The following DNAH2 variants were observed in gnomAD, a reference collection of about 807,000 sequenced individuals.
DNAH2 encodes the protein axonemal beta dynein heavy chain 2.
Under a neutral mutation model 523.5 loss-of-function variants are expected in DNAH2, and 323 were observed. The observed-to-expected ratio is 0.62, with a 90% CI of 0.56 to 0.68. DNAH2 has a LOEUF of 0.68. Ranked by LOEUF, DNAH2 falls within the 30% of genes least tolerant of loss-of-function variation. The pLI, the probability that DNAH2 is intolerant of heterozygous loss-of-function variation, is 0.00. For synonymous variants in DNAH2, 2,093 were observed against 2,177.4 expected (o/e 0.96, Z 1.08); for missense variants, 4,907 against 5,701.5 (o/e 0.86, Z 4.49).
At chr17:7,819,514 C>CTGCCCTTGGCATA (rs2151328319) in intron 72 of DNAH2, 106 bp downstream of exon 72, 1 of 1,207,756 alleles carries the variant, frequency 8.3e-7, no homozygotes, top group Non-Finnish European at 1.2e-6. Context: ...CAGCCTGCCG[C>CTGCCCTTGGCATA]TGTCCTTGGC....
intron 56 of DNAH2, among the ~76,000 whole-genome samples, chr17:7,799,822 TAC>T (rs143959847): frequency 8.0e-5 from 12 of 150,322 alleles, no homozygotes; most frequent in Admixed American, 4.6e-4. Context: ...TGTCTCAAAA[TAC>T]ACACACACAC....
intron 69 of DNAH2, 52 bp from the exon 70 acceptor site, chr17:7,818,591 G>A (rs2077753248): frequency 1.9e-6 from 3 of 1,608,102 alleles, no homozygotes; most frequent in African/African-American, 1.3e-5. Flanking sequence ...AGATGAGGAA[G>A]GTGAAGGTCG....
chr17:7,740,115 T>G (rs1252773807), intron 9 of DNAH2, among the ~76,000 whole-genome samples, 177 bp downstream of exon 9: 2 of 147,338 alleles, frequency 1.4e-5, no homozygotes, highest in Non-Finnish European at 3.0e-5. Context: ...GCAGCTTGGG[T>G]TGAGGGTTCC....
At chr17:7,742,894 G>A in intron 11 of DNAH2, 34 bp from the exon 12 acceptor site, 1 of 1,413,134 alleles carries the variant, frequency 7.1e-7, no homozygotes, top group Non-Finnish European at 9.2e-7. Flanking sequence ...AAGGTGGCAG[G>A]CCGACTCCAC....
Position 7,798,553 on chromosome 17 carries a change from G to C in DNAH2, c.8399-5G>C. The C allele has an allele frequency of 6.2e-7, 1 of 1,613,744 alleles. No homozygotes were observed. ...GAGTTTGTCCTCCTTCCCTCCCCCG[G>C]CCAGATATCAAGCGTCTGTATCGCC... On this transcript the variant is annotated splice_region_variant and splice_polypyrimidine_tract_variant and intron_variant, in intron 54 of 85. Transcript: ENST00000572933. This position sits in a 1 kb window ranked among gnomAD's most constrained non-coding sequence, Gnocchi z 5.5.
intron 12 of DNAH2, among the ~76,000 whole-genome samples, chr17:7,746,555 A>G (rs954196528): frequency 4.6e-5 from 7 of 152,210 alleles, no homozygotes; most frequent in African/African-American, 1.7e-4. Flanking sequence ...ATGATTTGGT[A>G]TATTTTTATC....
At chr17:7,827,762 A>G (rs1012481886) in intron 77 of DNAH2, among the ~76,000 whole-genome samples, 19 of 151,362 alleles carry the variant, frequency 1.3e-4, no homozygotes, top group African/African-American at 4.6e-4. Flanking sequence ...TTTTTTCTAC[A>G]TGGATAACCA....
chr17:7,766,200 C>T (rs1254941072), intron 21 of DNAH2, 118 bp from the exon 22 acceptor site: 2 of 1,100,656 alleles, frequency 1.8e-6, no homozygotes, highest in South Asian at 1.6e-5. Context: ...TACTCTCCTT[C>T]CCTTCCCTCT....
rs1291037905 is a variant in DNAH2 at position 7,798,788 on chromosome 17, G to A, written c.8559+70G>A. 2 of 1,552,528 alleles carry A rather than the reference G, an allele frequency of 1.3e-6. No individual in the cohort carries two copies. Among genetic ancestry groups the A allele is most frequent in the East Asian group, 2.3e-5 (1 of 44,346 alleles). ...CCTAGCTGACCCCAGAAGGACCACA[G>A]CTCCCAGAATGTGCCACTGGCACAC... On this transcript the variant is annotated intron_variant, in intron 55 of 85. Coordinates refer to ENST00000572933, the MANE Select transcript of DNAH2 (RefSeq NM_020877.5). This position sits in a 1 kb window ranked among gnomAD's most constrained non-coding sequence, Gnocchi z 5.5.
Position 7,798,065 on chromosome 17 carries a change from A to G in DNAH2, c.8231-92A>G. On this transcript the variant is annotated intron_variant, in intron 53 of 85. Coordinates refer to ENST00000572933, the MANE Select transcript of DNAH2 (RefSeq NM_020877.5). The surrounding 1 kb of genome is among the most constrained non-coding windows in gnomAD (Gnocchi z 5.5). The stretch of plus-strand genomic sequence containing the variant: ...TCATACCTCTTGGTTCCTCTGCTTC[A>G]GTTTCAGGGGCCCCAATCCCTAGCC... 2 of 1,477,952 alleles carry G rather than the reference A, an allele frequency of 1.4e-6. No homozygotes were observed. The highest frequency in any genetic ancestry group is 2.7e-5 in the South Asian group (2 of 73,702). The allele number at this position is 1,477,952 out of a possible 1,614,324, so 91.6% of individuals were successfully genotyped here.
In DNAH2 at chr17:7,796,480, G is replaced by A. The variant is rs202056213; in HGVS notation, c.7691G>A (p.Arg2564His). Reference sequence around the variant, plus strand: ...TGTTTCTAGAAGTCCCAGATCATCCGCATATTCGGCACCATGATCAATCAG... The same window carrying A: ...TGTTTCTAGAAGTCCCAGATCATCCACATATTCGGCACCATGATCAATCAG... Reference protein sequence around the residue: ...MTFPTKSQIIRIFGTMINQKL... With the variant: ...MTFPTKSQIIHIFGTMINQKL... Residue 2564 changes from arginine (R) to histidine (H), a missense_variant, in exon 50 of 86, where the codon CGC becomes CAC. This residue lies in a region of DNAH2 where 250 missense variants were observed against 371.3 expected (regional missense o/e 0.67). Transcript: ENST00000572933. 248 of 1,613,638 alleles carry A rather than the reference G, an allele frequency of 1.5e-4. No homozygotes were observed. Among genetic ancestry groups the A allele is most frequent in the Non-Finnish European group, 2.0e-4 (235 of 1,179,934 alleles).
intron 7 of DNAH2, among the ~76,000 whole-genome samples, chr17:7,734,985 G>A (rs1292474560): frequency 6.6e-6 from 1 of 151,912 alleles, no homozygotes; most frequent in African/African-American, 2.4e-5. Context: ...CCCAAAACAG[G>A]ATTACTAGAC....
chr17:7,733,622 C>T (rs574047535), intron 5 of DNAH2, among the ~76,000 whole-genome samples: 147 of 151,938 alleles, frequency 9.7e-4, no homozygotes, highest in African/African-American at 3.3e-3. Flanking sequence ...GGATTACAGG[C>T]ACATGCCACC....
At chr17:7,803,625 G>A (rs371417500) in intron 58 of DNAH2, among the ~76,000 whole-genome samples, 3 of 151,798 alleles carry the variant, frequency 2.0e-5, no homozygotes, top group South Asian at 2.1e-4. Flanking sequence ...AGCTGAGATT[G>A]CATCATTGCA....
rs765947731 is a variant in DNAH2, at chr17:7,797,469, C to T, written c.8019C>T (p.Leu2673=). ...TCATGGGCATCATAAGCGACAAGCT[C>T]GGCTCCTTCTTTGACCTCACATTTC... is the stretch of plus-strand genomic sequence containing the variant. The part of the protein sequence containing the change: ...EAFMGIISDK[L]GSFFDLTFHH... The change falls in exon 52 of 86, where the codon CTC becomes CTT. Residue 2673 remains leucine (L), a synonymous_variant. Coordinates refer to ENST00000572933, the MANE Select transcript of DNAH2 (RefSeq NM_020877.5). 2.2e-5 allele frequency: 36 copies of T among 1,614,060 alleles called. No homozygotes were observed. Among genetic ancestry groups the T allele is most frequent in the Middle Eastern group, 1.6e-4 (1 of 6,084 alleles).
At chr17:7,768,498 A>C (rs892376105) in intron 24 of DNAH2, among the ~76,000 whole-genome samples, 2 of 152,220 alleles carry the variant, frequency 1.3e-5, no homozygotes, top group Admixed American at 1.3e-4. Flanking sequence ...CACATTGTAG[A>C]ATGGCTAAAT....
In DNAH2 at chr17:7,833,543, C is replaced by T. The variant is rs900783999; in HGVS notation, c.*10C>T. The T allele has an allele frequency of 6.2e-7, 1 of 1,612,774 alleles. No homozygotes were observed. The highest frequency in any genetic ancestry group is 8.5e-7 in the Non-Finnish European group (1 of 1,179,914). ...GAGCCTGGACAGCTGAGACCTCCTC[C>T]TCTTCTCCGCTTGAGAGAGAGGGTC... On this transcript the variant is annotated 3_prime_UTR_variant, in exon 86 of 86. Transcript: ENST00000572933.
intron 13 of DNAH2, among the ~76,000 whole-genome samples, chr17:7,757,815 G>A (rs1261884965): frequency 6.6e-6 from 1 of 152,198 alleles, no homozygotes; most frequent in Non-Finnish European, 1.5e-5. Flanking sequence ...CTGCGTCCTG[G>A]TTCATAGGTG....
At chr17:7,794,410 TGTCTGTCTCAGAGAAGCAGGGGCCA>T (rs1227447072) in intron 49 of DNAH2, 52 bp downstream of exon 49, 1 of 1,518,194 alleles carries the variant, frequency 6.6e-7, no homozygotes, top group Non-Finnish European at 9.0e-7. Flanking sequence ...AGGTGAAACG[TGTCTGTCTCAGAGAAGCAGGGGCCA>T]GATCCCAGGG....
Sources: gnomAD v4.1 joint callset for allele counts (sites outside exome capture counted in the v4.1 genomes callset) on GRCh38, gnomAD v4.1.1 for gene constraint, gnomAD v4.1.1 regional missense constraint, Gnocchi (gnomAD v3.1) non-coding constraint, MANE v1.5 for transcripts, NCBI Gene and HGNC (gene_info 2026-07-23, HGNC 2026-07-21) for gene names.